ERCC2: variants seen among roughly 807,000 people sequenced by gnomAD.
ERCC2 encodes ERCC excision repair 2, TFIIH core complex helicase subunit, also known as general transcription and DNA repair factor IIH helicase subunit XPD.
In ERCC2, 90 loss-of-function variants were observed where a neutral mutation model predicts 99.4. The ratio of observed to expected loss-of-function variants is 0.91; its 90% CI spans 0.76 to 1.08. ERCC2 has a LOEUF of 1.08. Ranked by LOEUF, ERCC2 falls within the 50% of genes least tolerant of loss-of-function variation. ERCC2 has a pLI of 0.00. For synonymous variants in ERCC2, 497 were observed against 432.4 expected, an observed-to-expected ratio of 1.15 and a Z score of -1.85; for missense variants, 993 against 1,038.1, an observed-to-expected ratio of 0.96 and a Z score of 0.60.
Position 45,354,717 on chromosome 19 carries a change from T to G in ERCC2, c.1665+13A>C, listed in dbSNP as rs1403279365. The G allele has an allele frequency of 7.4e-6, 12 of 1,612,526 alleles. No individual in the cohort carries two copies. The highest frequency in any genetic ancestry group is 7.6e-6 in the Non-Finnish European group (9 of 1,179,624). ...GAGGAGAGCAGGTGCAGGGAGGGGG[T>G]GGCCAGGCGTACCTGCTCATACCAG... On this transcript the variant is annotated intron_variant, in intron 17 of 22. Coordinates refer to ENST00000391945, the MANE Select transcript of ERCC2 (RefSeq NM_000400.4).
rs772897435 is a variant in ERCC2, at chr19:45,369,191, C to T, written c.106-44G>A. ...AGGGGCAACACACAGGGTCTCAGAA[C>T]CTTGGGCACACAAACTCTGGGGACT... On this transcript the variant is annotated intron_variant, in intron 2 of 22. Coordinates refer to ENST00000391945, the MANE Select transcript of ERCC2 (RefSeq NM_000400.4). 1.4e-5 allele frequency: 21 copies of T among 1,546,522 alleles called. 1 individual carries two copies. The highest frequency in any genetic ancestry group is 1.1e-4 in the South Asian group (10 of 89,760).
chr19:45,361,566 G>C lies in ERCC2; in HGVS notation c.1195C>G (p.Leu399Val). ...TDLADFSPLT[L>V]LANFATLVST... Reference sequence around the variant, plus strand: ...ACAAGGGTGGCAAAGTTAGCAAGGAGGGTGAGCGGGGAGAAGTCAGCAAGG... The same window carrying C: ...ACAAGGGTGGCAAAGTTAGCAAGGACGGTGAGCGGGGAGAAGTCAGCAAGG... The change falls in exon 12 of 23, where the codon CTC becomes GTC. Residue 399 changes from leucine (L) to valine (V), a missense_variant. Around this residue, in one of 3 missense-constraint regions of ERCC2, gnomAD observed 909 missense variants for 930.8 expected, o/e 0.98. Transcript: ENST00000391945. 1 of 1,614,042 alleles carries C rather than the reference G, an allele frequency of 6.2e-7. No individual in the cohort carries two copies. The highest frequency in any genetic ancestry group is 8.5e-7 in the Non-Finnish European group (1 of 1,179,906).
Position 45,350,590 on chromosome 19 carries a change from G to GGGGACTGCATGGGCCTGGGGGACTGA in ERCC2, c.*1013_*1038dup. On this transcript the variant is annotated 3_prime_UTR_variant, in exon 23 of 23. Coordinates refer to ENST00000391945, the MANE Select transcript of ERCC2 (RefSeq NM_000400.4). Reference sequence around the variant, plus strand: ...GTGCTTCGGCTCCTGGGGTGGGCGTGGGGACTGCATGGGCCTGGGGGACTG... The same window carrying GGGGACTGCATGGGCCTGGGGGACTGA: ...GTGCTTCGGCTCCTGGGGTGGGCGTGGGGACTGCATGGGCCTGGGGGACTGAGGGACTGCATGGGCCTGGGGGACTG... 1 of 1,613,868 alleles carries GGGGACTGCATGGGCCTGGGGGACTGA rather than the reference G, an allele frequency of 6.2e-7. No individual in the cohort carries two copies. Among genetic ancestry groups the GGGGACTGCATGGGCCTGGGGGACTGA allele is most frequent in the Non-Finnish European group, 8.5e-7 (1 of 1,179,864 alleles).
chr19:45,360,715 C>T (rs1290502016), intron 12 of ERCC2, among the ~76,000 whole-genome samples: 2 of 152,000 alleles, frequency 1.3e-5, no homozygotes, highest in East Asian at 2.0e-4. Flanking sequence ...GATGGGGTTT[C>T]GCCATGTTCA....
chr19:45,370,227 T>C lies in ERCC2; in HGVS notation c.11A>G (p.Asn4Ser). MKL[N>S]VDGLLVYFPY... ...GAAGTAGACCAGGAGCCCGTCCACG[T>C]TGAGCCTGGCGGCAGGGGCTGCTGG... The change falls in exon 2 of 23, where the codon AAC becomes AGC. Residue 4 changes from asparagine to serine, a missense_variant. Physicochemically the swap from Asn to Ser is conservative, Grantham distance 46. Coordinates refer to ENST00000391945, the MANE Select transcript of ERCC2 (RefSeq NM_000400.4). 6.2e-7 allele frequency: 1 copy of C among 1,613,384 alleles called. No individual in the cohort carries two copies. The highest frequency in any genetic ancestry group is 8.5e-7 in the Non-Finnish European group (1 of 1,179,424).
chr19:45,351,238 C>A lies in ERCC2; in HGVS notation c.*391G>T. 6.3e-7 allele frequency: 1 copy of A among 1,585,108 alleles called. No homozygotes were observed. Among genetic ancestry groups the A allele is most frequent in the Non-Finnish European group, 8.6e-7 (1 of 1,164,860 alleles). On this transcript the variant is annotated 3_prime_UTR_variant, in exon 23 of 23. Transcript: ENST00000391945. ...ACCTGGAGCTGGAGGGTGGATGTAA[C>A]ACTTGCCCCTCACCTCCCCTCCAAC...
At position 45,355,712 on chromosome 19, in the gene ERCC2, T is replaced by A. The variant is rs764571522; in HGVS notation, c.1496A>T (p.Asn499Ile). 1.2e-6 allele frequency: 2 copies of A among 1,614,128 alleles called. No homozygotes were observed. The change falls in exon 16 of 23, where the codon AAT becomes ATT. Residue 499 changes from asparagine (N) to isoleucine (I), a missense_variant. By Grantham distance (149) the Asn-to-Ile change is moderately radical. Coordinates refer to ENST00000391945, the MANE Select transcript of ERCC2 (RefSeq NM_000400.4). ...TTTGGAGCTGATGGCCACCTGGTCA[T>A]TGCCACGGCCGATGATCTGGAGAGC... is the stretch of plus-strand genomic sequence containing the variant. ...CLCPMIIGRG[N>I]DQVAISSKFE...
At chr19:45,353,556 C>T (rs1300486731) in intron 17 of ERCC2, among the ~76,000 whole-genome samples, 1 of 152,130 alleles carries the variant, frequency 6.6e-6, no homozygotes, top group Non-Finnish European at 1.5e-5. Flanking sequence ...GGCATGTGGC[C>T]CAAGCGGGTG....
Position 45,355,740 on chromosome 19 carries a change from C to T in ERCC2, c.1480-12G>A, listed in dbSNP as rs1171614096. On this transcript the variant is annotated splice_polypyrimidine_tract_variant and intron_variant, in intron 15 of 22. Coordinates refer to ENST00000391945, the MANE Select transcript of ERCC2 (RefSeq NM_000400.4). ...CCACGGCCGATGATCTGGAGAGCAA[C>T]AGAGGTCACGATAAGCGAGGCAGCA... The T allele has an allele frequency of 5.6e-6, 9 of 1,613,082 alleles. No individual in the cohort carries two copies. In the African/African-American group the frequency reaches 9.4e-5, roughly 17 times the overall value.
At chr19:45,361,872 CAG>C (rs1306734053) in intron 11 of ERCC2, 15 of 544,946 alleles carry the variant, frequency 2.8e-5, no homozygotes, top group Non-Finnish European at 4.8e-5. Flanking sequence ...TCAGACACTC[CAG>C]AGTCATGTGG....
chr19:45,369,476 G>C (rs774453218), intron 2 of ERCC2, among the ~76,000 whole-genome samples: 2 of 151,848 alleles, frequency 1.3e-5, no homozygotes, highest in African/African-American at 4.8e-5. Flanking sequence ...AGACCAGCTG[G>C]GCCAACAAGG....
rs238406 is a variant in ERCC2, at chr19:45,365,051, T to G, written c.468A>C (p.Arg156=). 917,952 of 1,612,802 alleles carry G rather than the reference T, an allele frequency of 0.57. 265,686 individuals are homozygous for G. Among genetic ancestry groups the G allele is most frequent in the African/African-American group, 0.87 (65,631 of 75,022 alleles). Residue 156 remains arginine (R), a synonymous_variant, in exon 6 of 23, where the codon CGA becomes CGC. Coordinates refer to ENST00000391945, the MANE Select transcript of ERCC2 (RefSeq NM_000400.4). ...YQHDTSLPHC[R]FYEEFDAHGR... ...CCTGCCCTCCAGTAACCTCATAGAA[T>G]CGGCAGTGGGGCAGGCTGGTGTCAT... is the stretch of plus-strand genomic sequence containing the variant.
In ERCC2 at chr19:45,351,198, T is replaced by G; in HGVS notation, c.*431A>C. 1 of 1,585,738 alleles carries G rather than the reference T, an allele frequency of 6.3e-7. No individual in the cohort carries two copies. Among genetic ancestry groups the G allele is most frequent in the East Asian group, 2.2e-5 (1 of 44,590 alleles). ...GGTAGAGGCGAGGGGGTTGGATAGT[T>G]GGCTGCCAGGCTGGACCTGGAGCTG... On this transcript the variant is annotated 3_prime_UTR_variant, in exon 23 of 23. Transcript: ENST00000391945.
At chr19:45,353,399 C>T (rs1462792572) in intron 17 of ERCC2, 65 bp from the exon 18 acceptor site, 1 of 1,031,856 alleles carries the variant, frequency 9.7e-7, no homozygotes, top group Non-Finnish European at 1.5e-6. Context: ...ACATCCAACT[C>T]TTCTGGGGAC....
chr19:45,362,368 C>T (rs376578088), intron 11 of ERCC2, among the ~76,000 whole-genome samples: 2 of 152,330 alleles, frequency 1.3e-5, no homozygotes, highest in African/African-American at 2.4e-5. Flanking sequence ...GGGACACACA[C>T]GGTGTCGGAA....
At chr19:45,356,447 A>G (rs1179717370) in intron 15 of ERCC2, among the ~76,000 whole-genome samples, 1 of 152,210 alleles carries the variant, frequency 6.6e-6, no homozygotes, top group African/African-American at 2.4e-5. Flanking sequence ...GGAGCTGCCC[A>G]GACCCCACTG....
Position 45,350,273 on chromosome 19 carries a change from A to T in ERCC2, c.*1356T>A, listed in dbSNP as rs1392784763. 9 of 1,225,228 alleles carry T rather than the reference A, an allele frequency of 7.3e-6. No individual in the cohort carries two copies. The highest frequency in any genetic ancestry group is 1.0e-5 in the Non-Finnish European group (9 of 863,162). 75.9% of individuals were successfully genotyped at this position (1,225,228 alleles called of 1,614,324 possible). ...CCCTGTCTCTACAAAAAAAAAAAAA[A>T]AGGCGGGACTGGATGCAGTGTTGGG... On this transcript the variant is annotated 3_prime_UTR_variant, in exon 23 of 23. Transcript: ENST00000391945.
Position 45,361,727 on chromosome 19 carries a change from C to T in ERCC2, c.1119-85G>A, listed in dbSNP as rs148028467. ...CCTGCCTCCGCCATCACGACGGTCACGTGCCTGTCTCCCCAGCCAATGAGC... is the reference window on the plus strand; with the variant it reads ...CCTGCCTCCGCCATCACGACGGTCATGTGCCTGTCTCCCCAGCCAATGAGC... On this transcript the variant is annotated intron_variant, in intron 11 of 22. Transcript: ENST00000391945. The T allele has an allele frequency of 4.4e-4, 451 of 1,021,132 alleles. No individual in the cohort carries two copies. The highest frequency in any genetic ancestry group is 4.1e-3 in the African/African-American group (257 of 63,246). 63.3% of individuals were successfully genotyped at this position (1,021,132 alleles called of 1,614,324 possible).
chr19:45,357,466 G>A lies in ERCC2; in HGVS notation c.1377+8C>T, dbSNP rs370862494. The A allele has an allele frequency of 5.0e-4, 808 of 1,613,936 alleles. No homozygotes were observed. The highest frequency in any genetic ancestry group is 6.3e-4 in the Non-Finnish European group (746 of 1,179,790). On this transcript the variant is annotated splice_region_variant and intron_variant, in intron 14 of 22. Transcript: ENST00000391945. The stretch of plus-strand genomic sequence containing the variant: ...AGGGACTAGGAGGGGACGGGGAAGG[G>A]TCCTTACCCCAGATGTGATGATGAC...
Sources: gnomAD v4.1 joint callset for allele counts (sites outside exome capture counted in the v4.1 genomes callset) on GRCh38, gnomAD v4.1.1 for gene constraint, gnomAD v4.1.1 regional missense constraint, MANE v1.5 for transcripts, NCBI Gene and HGNC (gene_info 2026-07-23, HGNC 2026-07-21) for gene names.